The following DPH7 variants were observed in gnomAD, a reference collection of about 807,000 sequenced individuals.
DPH7 encodes diphthine methyltransferase.
In DPH7, 44 loss-of-function variants were observed where a neutral mutation model predicts 41.7. That is an observed-to-expected ratio of 1.05 (90% CI 0.83 to 1.36). The LOEUF (loss-of-function observed/expected upper bound fraction) is 1.36. Among genes scored for constraint, DPH7 ranks in the 40% most tolerant of loss-of-function variants. The pLI is 0.00. For missense variants in DPH7, 629 were observed against 577.5 expected (o/e 1.09, Z -0.91); for synonymous variants, 275 against 238.0 (o/e 1.16, Z -1.43).
intron 5 of DPH7, among the ~76,000 whole-genome samples, chr9:137,572,835 T>C (rs560378875): frequency 6.6e-6 from 1 of 152,226 alleles, no homozygotes; most frequent in East Asian, 1.9e-4. Context: ...ATAAACTATA[T>C]CCAAAAAGGG....
intron 5 of DPH7, 95 bp from the exon 6 acceptor site, chr9:137,565,249 G>C: frequency 8.2e-7 from 1 of 1,214,638 alleles, no homozygotes; most frequent in Non-Finnish European, 1.2e-6. Flanking sequence ...TCCCCGGGGT[G>C]ACTGTCTGTG....
In DPH7 at chr9:137,555,610, A is replaced by G. The variant is rs748767119; in HGVS notation, c.988T>C (p.Leu330=). ...GCTCCATACACCAGCGAGTCGGGCA[A>G]TGTGTGAGATGTCAGGACCGTCGCC... ...QEATVLTSHT[L]PDSLVYGADW... The change falls in exon 9 of 9, where the codon TTG becomes CTG. Residue 330 remains leucine (L), a synonymous_variant. Coordinates refer to ENST00000277540, the MANE Select transcript of DPH7 (RefSeq NM_138778.5). 1.2e-6 allele frequency: 2 copies of G among 1,611,230 alleles called. No homozygotes were observed. Among genetic ancestry groups the G allele is most frequent in the African/African-American group, 2.7e-5 (2 of 74,866 alleles).
At chr9:137,573,360 CA>C (rs34523698) in intron 5 of DPH7, among the ~76,000 whole-genome samples, 8,852 of 40,300 alleles carry the variant, frequency 0.22, 291 homozygotes, top group Admixed American at 0.28. Context: ...GACTCCATCT[CA>C]AAAAAAAAAA....
chr9:137,574,452 T>C, intron 4 of DPH7, 72 bp from the exon 5 acceptor site: 1 of 1,535,574 alleles, frequency 6.5e-7, no homozygotes, highest in African/African-American at 1.4e-5. Context: ...CCCAAACAAG[T>C]CCTGAGAGAC....
Position 137,565,095 on chromosome 9 carries a change from T to G in DPH7, c.700A>C (p.Thr234Pro). 1 of 1,613,972 alleles carries G rather than the reference T, an allele frequency of 6.2e-7. No individual in the cohort carries two copies. Among genetic ancestry groups the G allele is most frequent in the Non-Finnish European group, 8.5e-7 (1 of 1,179,992 alleles). ...CCCTTGGGCAGTTACCTTTTGCTGG[T>G]GAAGAGAAATTTGCCGGGTACCCTG... ...DTRVPGKFLFTSKRHTMGVCS... is the reference protein window; with the variant it reads ...DTRVPGKFLFPSKRHTMGVCS... Residue 234 changes from threonine (T) to proline (P), a missense_variant, in exon 6 of 9, where the codon ACC (threonine) becomes CCC (proline). Coordinates refer to ENST00000277540, the MANE Select transcript of DPH7 (RefSeq NM_138778.5).
In DPH7 at chr9:137,555,363, G is replaced by A; in HGVS notation, c.1235C>T (p.Ala412Val). 1 of 1,614,074 alleles carries A rather than the reference G, an allele frequency of 6.2e-7. No homozygotes were observed. The highest frequency in any genetic ancestry group is 8.5e-7 in the Non-Finnish European group (1 of 1,180,036). Residue 412 changes from alanine to valine, a missense_variant, in exon 9 of 9, where the codon GCT becomes GTT. Physicochemically the swap from Ala to Val is moderately conservative, Grantham distance 64. Transcript: ENST00000277540. ...ACAGTCACGTGTGGTGGCTGCTGTA[G>A]CCTGCAGCCAGGTGCCATTCTTCCT... ...GMRKNGTWLQ[A>V]TAATTRDCGV...
rs1002997459 is a variant in DPH7 at position 137,556,927 on chromosome 9, C to T, written c.950-1279G>A. 3 of 455,694 alleles carry T rather than the reference C, an allele frequency of 6.6e-6. No individual in the cohort carries two copies. Among genetic ancestry groups the T allele is most frequent in the Admixed American group, 4.7e-5 (2 of 42,282 alleles). The allele number at this position is 455,694 out of a possible 1,614,324, so 28.2% of individuals were successfully genotyped here. On this transcript the variant is annotated intron_variant, in intron 8 of 8. Transcript: ENST00000277540. This position sits in a 1 kb window ranked among gnomAD's most constrained non-coding sequence, Gnocchi z 5.2. ...TGTTGCGACCCCAAGAATGGGAGGCCCTTTCTGATTAGCCACAGGCCAACG... is the reference window on the plus strand; with the variant it reads ...TGTTGCGACCCCAAGAATGGGAGGCTCTTTCTGATTAGCCACAGGCCAACG...
In DPH7 at chr9:137,556,442, G is replaced by C. The variant is rs1467608828; in HGVS notation, c.950-794C>G. ...GCCATCGCTACCTCTGAAGTACAGGGATTGATGCCAGCAGTGACCGGAATC... is the reference window on the plus strand; with the variant it reads ...GCCATCGCTACCTCTGAAGTACAGGCATTGATGCCAGCAGTGACCGGAATC... On this transcript the variant is annotated intron_variant, in intron 8 of 8. Coordinates refer to ENST00000277540, the MANE Select transcript of DPH7 (RefSeq NM_138778.5). The surrounding 1 kb of genome is among the most constrained non-coding windows in gnomAD (Gnocchi z 5.2). 6.6e-6 allele frequency among the ~76,000 whole-genome samples: 1 copy of C among 152,224 alleles called. No individual in the cohort carries two copies. The highest frequency in any genetic ancestry group is 2.4e-5 in the African/African-American group (1 of 41,458).
intron 8 of DPH7, among the ~76,000 whole-genome samples, chr9:137,564,228 A>G (rs1839136872): frequency 6.6e-6 from 1 of 152,146 alleles, no homozygotes; most frequent in African/African-American, 2.4e-5. Context: ...ACCAGGGAAA[A>G]CTGTGGTTAG....
chr9:137,574,236 A>G lies in DPH7; in HGVS notation c.612T>C (p.Asn204=), dbSNP rs866378118. 1.5e-5 allele frequency: 24 copies of G among 1,614,176 alleles called. No individual in the cohort carries two copies. In the Middle Eastern group the frequency reaches 3.1e-3, roughly 211 times the overall value. ...AATACACAATTTCTGGATGCCAGTA[A>G]TTGAAAGCAGCAATCCAGGCCTCGA... ...HQFEAWIAAF[N]YWHPEIVYSG... is the part of the protein sequence containing the mutation. Residue 204 remains asparagine, a synonymous_variant, in exon 5 of 9, where the codon AAT becomes AAC. Coordinates refer to ENST00000277540, the MANE Select transcript of DPH7 (RefSeq NM_138778.5).
intron 3 of DPH7, chr9:137,575,256 T>A: frequency 1.0e-6 from 1 of 995,896 alleles, no homozygotes; most frequent in Non-Finnish European, 1.2e-6. Flanking sequence ...ATGGGGAAAC[T>A]CCTCTGGTTT....
intron 3 of DPH7, chr9:137,575,815 G>T (rs1046483589): frequency 4.2e-5 from 54 of 1,273,604 alleles, no homozygotes; most frequent in Non-Finnish European, 5.1e-5. Context: ...TCTCCTTAGA[G>T]AACTTTCAGA....
intron 3 of DPH7, chr9:137,575,482 T>C (rs1173732475): frequency 3.0e-6 from 3 of 989,072 alleles, no homozygotes; most frequent in South Asian, 4.6e-5. Flanking sequence ...ACAGGGCAAC[T>C]GCTCTAAGCT....
At position 137,574,236 on chromosome 9, in the gene DPH7, A is replaced by T; in HGVS notation, c.612T>A (p.Asn204Lys). ...AATACACAATTTCTGGATGCCAGTA[A>T]TTGAAAGCAGCAATCCAGGCCTCGA... The part of the protein sequence containing the change: ...HQFEAWIAAF[N>K]YWHPEIVYSG... Residue 204 changes from asparagine to lysine, a missense_variant, in exon 5 of 9, where the codon AAT becomes AAA. Coordinates refer to ENST00000277540, the MANE Select transcript of DPH7 (RefSeq NM_138778.5). The T allele has an allele frequency of 6.2e-7, 1 of 1,614,176 alleles. No homozygotes were observed. Among genetic ancestry groups the T allele is most frequent in the Non-Finnish European group, 8.5e-7 (1 of 1,180,046 alleles).
At chr9:137,564,811 C>G (rs530002742) in intron 7 of DPH7, 82 bp downstream of exon 7, 1 of 1,498,758 alleles carries the variant, frequency 6.7e-7, no homozygotes, top group Non-Finnish European at 9.1e-7. Context: ...GGAAAGGCAG[C>G]GAAAGAGGGA....
At chr9:137,574,094 T>G in intron 5 of DPH7, 114 bp downstream of exon 5, 3 of 1,141,304 alleles carry the variant, frequency 2.6e-6, no homozygotes, top group Non-Finnish European at 3.7e-6. Flanking sequence ...CCATAAAAGG[T>G]CTTCAAGATC....
At chr9:137,564,646 C>T (rs770366969) in intron 7 of DPH7, 40 bp from the exon 8 acceptor site, 1 of 1,590,766 alleles carries the variant, frequency 6.3e-7, no homozygotes, top group Non-Finnish European at 8.6e-7. Context: ...AAGGAAAGCC[C>T]AGGCTCACCT....
rs1458076738 is a variant in DPH7, at chr9:137,556,517, C to G, written c.950-869G>C. On this transcript the variant is annotated intron_variant, in intron 8 of 8. Transcript: ENST00000277540. This position sits in a 1 kb window ranked among gnomAD's most constrained non-coding sequence, Gnocchi z 5.2. ...AGAAGGGCTGAGGGCAGAACAGGAC[C>G]GCACTGGATTACAAAACGTGCCGAG... 1.5e-5 allele frequency: 4 copies of G among 273,128 alleles called. No homozygotes were observed. The highest frequency in any genetic ancestry group is 2.9e-5 in the Non-Finnish European group (4 of 136,978). The allele number at this position is 273,128 out of a possible 1,614,324, so 16.9% of individuals were successfully genotyped here. A position where few individuals can be genotyped will look rare whatever the true frequency, so the allele number is the denominator to read the frequency against.
chr9:137,555,105 A>C lies in DPH7; in HGVS notation c.*134T>G. On this transcript the variant is annotated 3_prime_UTR_variant, in exon 9 of 9. Coordinates refer to ENST00000277540, the MANE Select transcript of DPH7 (RefSeq NM_138778.5). ...TTAAGAGAAGTCAACAGCTTTTCTGACTACACTGTGGATTCCATCAGTGCA... is the reference window on the plus strand; with the variant it reads ...TTAAGAGAAGTCAACAGCTTTTCTGCCTACACTGTGGATTCCATCAGTGCA... The C allele has an allele frequency of 8.8e-7, 1 of 1,135,662 alleles. No homozygotes were observed. 70.3% of individuals were successfully genotyped at this position (1,135,662 alleles called of 1,614,324 possible). A position where few individuals can be genotyped will look rare whatever the true frequency, so the allele number is the denominator to read the frequency against.
Sources: gnomAD v4.1 joint callset for allele counts (sites outside exome capture counted in the v4.1 genomes callset) on GRCh38, gnomAD v4.1.1 for gene constraint, Gnocchi (gnomAD v3.1) non-coding constraint, MANE v1.5 for transcripts, NCBI Gene and HGNC (gene_info 2026-07-23, HGNC 2026-07-21) for gene names.